The following RASSF4 variants were observed in gnomAD, a reference collection of about 807,000 sequenced individuals.
The protein encoded by RASSF4 is Ras association domain family member 4, also known as ras association domain-containing protein 4.
Under a neutral mutation model 41.1 loss-of-function variants are expected in RASSF4, and 38 were observed. The ratio of observed to expected loss-of-function variants is 0.92; its 90% confidence interval spans 0.71 to 1.21. RASSF4 has a LOEUF of 1.21. Ranked by LOEUF, RASSF4 falls within the 50% of genes most tolerant of loss-of-function variation. The pLI is 0.00. For synonymous variants in RASSF4, 179 were observed against 163.4 expected, an observed-to-expected ratio of 1.10 and a Z score of -0.73; for missense variants, 414 against 419.4, an observed-to-expected ratio of 0.99 and a Z score of 0.11.
intron 4 of RASSF4, chr10:44,983,069 A>G (rs1841782997): frequency 2.3e-6 from 1 of 430,758 alleles, no homozygotes; most frequent in Non-Finnish European, 4.7e-6. Flanking sequence ...TTAAAAATAA[A>G]TTTATCAGAA....
intron 6 of RASSF4, among the ~76,000 whole-genome samples, chr10:44,987,379 A>T (rs910918857): frequency 6.6e-6 from 1 of 152,100 alleles, no homozygotes; most frequent in African/African-American, 2.4e-5. Context: ...TTACAGGCGT[A>T]AGCCACTGCA....
rs184321492 is a variant in RASSF4 at position 44,994,540 on chromosome 10, T to A, written c.*1211T>A. On this transcript the variant is annotated 3_prime_UTR_variant, in exon 11 of 11. Coordinates refer to ENST00000340258, the MANE Select transcript of RASSF4 (RefSeq NM_032023.4). ...CAAGAGCATAGCTTGGAAGCCACCA[T>A]GCTGTGCGGAACTGCGTCAGGGCAA... 7 of 152,388 alleles carry A rather than the reference T, an allele frequency of 4.6e-5. No homozygotes were observed. The highest frequency in any genetic ancestry group is 7.3e-5 in the Non-Finnish European group (5 of 68,028). The allele number at this position is 152,388 out of a possible 1,614,324, so 9.4% of individuals were successfully genotyped here.
chr10:44,979,682 C>T (rs1440864130), intron 3 of RASSF4, among the ~76,000 whole-genome samples: 2 of 152,078 alleles, frequency 1.3e-5, no homozygotes, highest in Non-Finnish European at 2.9e-5. Context: ...TGAGGGCGCG[C>T]CGGACAGACA....
chr10:44,984,244 C>T, intron 5 of RASSF4, 131 bp downstream of exon 5: 1 of 882,546 alleles, frequency 1.1e-6, no homozygotes, highest in Non-Finnish European at 1.7e-6. Flanking sequence ...CCTGCTGGAC[C>T]CCTACCCAGG....
intron 1 of RASSF4, 56 bp from the exon 2 acceptor site, chr10:44,970,109 C>A: frequency 9.7e-7 from 1 of 1,035,730 alleles, no homozygotes; most frequent in Non-Finnish European, 1.5e-6. Context: ...TTGGGTGCTG[C>A]ACTGGCCGGC....
chr10:44,991,016 A>G lies in RASSF4; in HGVS notation c.754A>G (p.Ile252Val). 1 of 1,613,922 alleles carries G rather than the reference A, an allele frequency of 6.2e-7. No homozygotes were observed. Among genetic ancestry groups the G allele is most frequent in the Non-Finnish European group, 8.5e-7 (1 of 1,179,832 alleles). ...AATCCTGCATGGGCCATGTGAGAAG[A>G]TCGCCAGGATCTTCCTGATGGAAGC... ...SRILHGPCEK[I>V]ARIFLMEADL... The change falls in exon 9 of 11, where the codon ATC becomes GTC. Residue 252 changes from isoleucine to valine, a missense_variant. Transcript: ENST00000340258.
Position 44,977,694 on chromosome 10 carries a change from G to A in RASSF4, c.139-4827G>A, listed in dbSNP as rs867293581. On this transcript the variant is annotated intron_variant, in intron 3 of 10. Transcript: ENST00000340258. ...TCCCTCTGGCTTGGCTGCTTTTCCT[G>A]GGACTCCCCAAAAAGCCAGTCCAGG... The A allele has an allele frequency of 3.7e-6, 6 of 1,612,726 alleles. No homozygotes were observed. In the African/African-American group the frequency reaches 4.0e-5, roughly 11 times the overall value.
At chr10:44,991,367 A>G (rs1842106194) in intron 9 of RASSF4, 2 of 293,810 alleles carry the variant, frequency 6.8e-6, no homozygotes, top group Admixed American at 4.6e-5. Context: ...TGTTGTCATT[A>G]TGTGAGAGAC....
chr10:44,974,192 G>A (rs928790305), intron 3 of RASSF4, among the ~76,000 whole-genome samples: 11 of 152,342 alleles, frequency 7.2e-5, no homozygotes, highest in South Asian at 2.1e-4. Flanking sequence ...CTTGCTGCAG[G>A]GGCAGGGCCA....
intron 6 of RASSF4, among the ~76,000 whole-genome samples, chr10:44,985,383 A>T (rs1841887397): frequency 6.6e-6 from 1 of 152,166 alleles, no homozygotes; most frequent in Non-Finnish European, 1.5e-5. Flanking sequence ...AACCTGGACG[A>T]CCCCAGATTC....
intron 9 of RASSF4, 125 bp downstream of exon 9, chr10:44,991,194 A>G (rs1490494253): frequency 3.4e-6 from 3 of 885,484 alleles, no homozygotes; most frequent in Non-Finnish European, 4.8e-6. Context: ...ACACTCTCCC[A>G]AAGGGCTCCC....
intron 8 of RASSF4, 40 bp downstream of exon 8, chr10:44,989,761 G>GTC: frequency 6.4e-7 from 1 of 1,564,896 alleles, no homozygotes; most frequent in Non-Finnish European, 8.8e-7. Flanking sequence ...AAAGCAAAAG[G>GTC]TCTCTACCTG....
chr10:44,976,153 CA>C (rs1841417316), intron 3 of RASSF4: 1 of 152,174 alleles, frequency 6.6e-6, no homozygotes, highest in African/African-American at 2.4e-5. Flanking sequence ...CATTTGTCTA[CA>C]GTGCTCATAA....
chr10:44,989,755 CAA>C, intron 8 of RASSF4, 34 bp downstream of exon 8: 1 of 1,589,326 alleles, frequency 6.3e-7, no homozygotes, highest in Non-Finnish European at 8.6e-7. Context: ...ATCGTAAAAG[CAA>C]AAGGTCTCTA....
Position 44,971,842 on chromosome 10 carries a change from C to A in RASSF4, c.132C>A (p.His44Gln). Reference protein sequence around the residue: ...YHEGKSFQLRHREEEGTLIIE... With the variant: ...YHEGKSFQLRQREEEGTLIIE... ...AGGGCAAGAGCTTCCAGCTGAGACA[C>A]CGTGAGGTGAGCCTGTTGCTCTTGT... The change falls in exon 3 of 11, where the codon CAC (histidine) becomes CAA (glutamine). Residue 44 changes from histidine (H) to glutamine (Q), a missense_variant. Physicochemically the swap from His to Gln is conservative, Grantham distance 24. Transcript: ENST00000340258. The A allele has an allele frequency of 6.2e-7, 1 of 1,609,490 alleles. No individual in the cohort carries two copies. The highest frequency in any genetic ancestry group is 8.5e-7 in the Non-Finnish European group (1 of 1,176,364).
At chr10:44,977,184 C>T (rs1238524527) in intron 3 of RASSF4, 2 of 570,190 alleles carry the variant, frequency 3.5e-6, no homozygotes, top group Non-Finnish European at 5.9e-6. Flanking sequence ...AGGGTCAGAG[C>T]GAACGGGATT....
At chr10:44,970,399 G>C in intron 2 of RASSF4, 135 bp downstream of exon 2, 1 of 703,970 alleles carries the variant, frequency 1.4e-6, no homozygotes, top group Non-Finnish European at 2.5e-6. Flanking sequence ...ACAGTGATGG[G>C]GTGCTTCTTT....
intron 1 of RASSF4, among the ~76,000 whole-genome samples, chr10:44,964,459 G>A (rs925636756): frequency 1.3e-5 from 2 of 152,218 alleles, no homozygotes; most frequent in Admixed American, 1.3e-4. Flanking sequence ...CCTGCTGGCC[G>A]ACTTGGCCTG....
chr10:44,991,326 G>GTAAAGTCT (rs1842104199), intron 9 of RASSF4: 1 of 372,134 alleles, frequency 2.7e-6, no homozygotes, highest in Non-Finnish European at 4.8e-6. Context: ...CTCTAGGGAA[G>GTAAAGTCT]TAAAGTCTTT....
Sources: gnomAD v4.1 joint callset for allele counts (sites outside exome capture counted in the v4.1 genomes callset) on GRCh38, gnomAD v4.1.1 for gene constraint, MANE v1.5 for transcripts, NCBI Gene and HGNC (gene_info 2026-07-23, HGNC 2026-07-21) for gene names.